Variants in STARD13 observed in about 807,000 individuals in gnomAD.
STARD13 encodes the protein StAR related lipid transfer domain containing 13.
STARD13 carries 62 observed loss-of-function variants against 106.4 expected under a neutral mutation model. The observed-to-expected ratio is 0.58, with a 90% CI of 0.48 to 0.72. STARD13 has a LOEUF of 0.72. Among genes scored for constraint, STARD13 ranks in the 30% least tolerant of loss-of-function variants. The pLI, the probability that STARD13 is intolerant of heterozygous loss-of-function variation, is 0.00. For synonymous variants in STARD13, 565 were observed against 553.0 expected, an observed-to-expected ratio of 1.02 and a Z score of -0.31; for missense variants, 1,387 against 1,424.0, an observed-to-expected ratio of 0.97 and a Z score of 0.42.
chr13:33,392,207 CTTG>C, the STARD13 span, among the ~76,000 whole-genome samples: 2 of 152,108 alleles, frequency 1.3e-5, no homozygotes, highest in Admixed American at 1.3e-4. Flanking sequence ...TTCTTGCAAC[CTTG>C]TTGTGTTTGC....
rs138092012 is a variant in STARD13, at chr13:33,162,248, G to T, written c.323+3089C>A. 3.3e-4 allele frequency among the ~76,000 whole-genome samples: 50 copies of T among 152,336 alleles called. No individual in the cohort carries two copies. In the East Asian group the frequency reaches 9.5e-3, roughly 29 times the overall value. ...CTGCCTACGACACAGGGCACCAAGT[G>T]CCTAGGCTGCAAACAGATAAGGACC... On this transcript the variant is annotated intron_variant, in intron 3 of 13. Transcript: ENST00000336934.
chr13:33,635,563 G>A, the STARD13 span, among the ~76,000 whole-genome samples: 8 of 152,070 alleles, frequency 5.3e-5, no homozygotes, highest in African/African-American at 1.9e-4. Context: ...GGGAGGCTGA[G>A]GCAGGAGAAT....
chr13:33,557,616 T>C, the STARD13 span, among the ~76,000 whole-genome samples: 2 of 152,222 alleles, frequency 1.3e-5, no homozygotes, highest in Non-Finnish European at 2.9e-5. Context: ...TCACTGTATG[T>C]GTTACCTAGA....
chr13:33,407,935 A>T, the STARD13 span, among the ~76,000 whole-genome samples: 1 of 152,314 alleles, frequency 6.6e-6, no homozygotes, highest in South Asian at 2.1e-4. Context: ...ATGTATTTTC[A>T]TGAGTTGATT....
chr13:33,178,503 G>T (rs769182722), intron 1 of STARD13, among the ~76,000 whole-genome samples: 52 of 152,140 alleles, frequency 3.4e-4, no homozygotes, highest in Admixed American at 6.5e-5. Context: ...ATATGGTTTT[G>T]ATTTATATTC....
intron 1 of STARD13, among the ~76,000 whole-genome samples, chr13:33,319,235 T>C (rs573303238): frequency 2.0e-5 from 3 of 152,316 alleles, no homozygotes; most frequent in Non-Finnish European, 4.4e-5. Context: ...GAAGTACTGA[T>C]GCATGTTACA....
the STARD13 span, among the ~76,000 whole-genome samples, chr13:33,674,455 G>C: frequency 3.3e-5 from 5 of 152,160 alleles, no homozygotes; most frequent in Non-Finnish European, 7.4e-5. Context: ...CTCTGTAATG[G>C]TGTGGTTTCA....
intron 1 of STARD13, among the ~76,000 whole-genome samples, chr13:33,294,038 G>C (rs1341595745): frequency 6.6e-6 from 1 of 152,136 alleles, no homozygotes; most frequent in Non-Finnish European, 1.5e-5. Flanking sequence ...TATATGCTTT[G>C]ACCATCAAAC....
chr13:33,475,459 T>A, the STARD13 span, among the ~76,000 whole-genome samples: 6 of 152,272 alleles, frequency 3.9e-5, no homozygotes. Context: ...ATTTGCTCTA[T>A]TTATCTAAAC....
the STARD13 span, among the ~76,000 whole-genome samples, chr13:33,386,688 C>T: frequency 6.6e-6 from 1 of 151,992 alleles, no homozygotes; most frequent in Non-Finnish European, 1.5e-5. Flanking sequence ...AGCCTTTTTG[C>T]CTTTATGTTT....
the STARD13 span, among the ~76,000 whole-genome samples, chr13:33,543,928 C>G: frequency 1.3e-5 from 2 of 152,168 alleles, no homozygotes; most frequent in African/African-American, 4.8e-5. Flanking sequence ...GTTAGTAGTC[C>G]TTTTGACTCC....
At chr13:33,546,200 A>G in the STARD13 span, among the ~76,000 whole-genome samples, 3 of 152,126 alleles carry the variant, frequency 2.0e-5, no homozygotes, top group East Asian at 5.8e-4. Flanking sequence ...ATTATGTGGA[A>G]GCCTCCTTTT....
At chr13:33,468,331 T>C in the STARD13 span, among the ~76,000 whole-genome samples, 1 of 152,238 alleles carries the variant, frequency 6.6e-6, no homozygotes, top group Non-Finnish European at 1.5e-5. Flanking sequence ...CTTCATCCAA[T>C]TAATCTATTG....
the STARD13 span, among the ~76,000 whole-genome samples, chr13:33,433,261 T>C: frequency 6.6e-6 from 1 of 152,208 alleles, no homozygotes; most frequent in African/African-American, 2.4e-5. Context: ...CATAATCTCA[T>C]CTTTTCAATG....
upstream of STARD13, among the ~76,000 whole-genome samples, chr13:33,287,749 G>A (rs1892131317): frequency 6.6e-6 from 1 of 152,090 alleles, no homozygotes; most frequent in Non-Finnish European, 1.5e-5. Context: ...GTCCAACACT[G>A]GGAGCATCTG....
chr13:33,591,181 GCAACGACT>G, the STARD13 span, among the ~76,000 whole-genome samples: 1 of 152,246 alleles, frequency 6.6e-6, no homozygotes. Flanking sequence ...ATCCTTGTCT[GCAACGACT>G]CAGGCCTGTT....
the STARD13 span, among the ~76,000 whole-genome samples, chr13:33,494,368 C>A: frequency 6.6e-6 from 1 of 150,582 alleles, no homozygotes; most frequent in African/African-American, 2.5e-5. Context: ...CCAGGAGAGC[C>A]GTGATTTTAT....
chr13:33,490,819 C>T, the STARD13 span, among the ~76,000 whole-genome samples: 2 of 152,236 alleles, frequency 1.3e-5, no homozygotes, highest in African/African-American at 4.8e-5. Context: ...GATTAACACT[C>T]AAGCCGTCTG....
chr13:33,600,252 C>G, the STARD13 span, among the ~76,000 whole-genome samples: 3 of 152,156 alleles, frequency 2.0e-5, no homozygotes, highest in Non-Finnish European at 4.4e-5. Context: ...ATAAAGTGAT[C>G]AAACAGACCA....
Sources: gnomAD v4.1 joint callset for allele counts (sites outside exome capture counted in the v4.1 genomes callset) on GRCh38, gnomAD v4.1.1 for gene constraint, MANE v1.5 for transcripts, NCBI Gene and HGNC (gene_info 2026-07-23, HGNC 2026-07-21) for gene names.